SCARA3: variants seen among roughly 807,000 people sequenced by gnomAD.
The protein encoded by SCARA3 is scavenger receptor class A member 3, also known as cellular stress response gene protein.
A neutral mutation model predicts 47.0 loss-of-function variants in SCARA3; 39 were observed. The observed-to-expected ratio is 0.83, with a 90% CI of 0.64 to 1.08. The LOEUF (loss-of-function observed/expected upper bound fraction) is 1.08, where lower values mean the gene tolerates loss of function less well. SCARA3 is among the 50% of genes least tolerant of loss of function. The probability of loss-of-function intolerance (pLI) is 0.00; values close to 1 mark genes in which losing one functional copy is unlikely to be tolerated. For synonymous variants in SCARA3, 356 were observed against 334.1 expected (o/e 1.07, Z -0.71); for missense variants, 724 against 792.3 (o/e 0.91, Z 1.04).
chr8:27,685,377 T>C, the SCARA3 span, among the ~76,000 whole-genome samples: 38 of 151,966 alleles, frequency 2.5e-4, no homozygotes, highest in African/African-American at 8.9e-4. Flanking sequence ...ACCAAAACAC[T>C]CAAAGAAGTC....
At chr8:27,680,752 C>T (rs1199273405), downstream of SCARA3, among the ~76,000 whole-genome samples, 7 of 152,084 alleles carry the variant, frequency 4.6e-5, no homozygotes, top group African/African-American at 1.7e-4. Flanking sequence ...ATTGAATTAG[C>T]AGCCAGCAAA....
rs1249516258 is a variant in SCARA3, at chr8:27,671,727, C to T, written c.*376C>T. Reference sequence around the variant, plus strand: ...ACATGCATGCACACATACACATGCACACACACATGCACACATATATGCACA... The same window carrying T: ...ACATGCATGCACACATACACATGCATACACACATGCACACATATATGCACA... On this transcript the variant is annotated 3_prime_UTR_variant, in exon 6 of 6. Transcript: ENST00000301904. 1 of 1,038,896 alleles carries T rather than the reference C, an allele frequency of 9.6e-7. No homozygotes were observed. The highest frequency in any genetic ancestry group is 1.2e-6 in the Non-Finnish European group (1 of 864,964). 64.4% of individuals were successfully genotyped at this position (1,038,896 alleles called of 1,614,324 possible).
chr8:27,662,462 G>A (rs931896299), intron 5 of SCARA3, among the ~76,000 whole-genome samples: 2 of 152,254 alleles, frequency 1.3e-5, no homozygotes, highest in Non-Finnish European at 2.9e-5. Flanking sequence ...CTGCTGTGAA[G>A]TGAGTTCCTC....
chr8:27,658,210 C>G (rs1422588900), intron 4 of SCARA3, among the ~76,000 whole-genome samples: 1 of 152,078 alleles, frequency 6.6e-6, no homozygotes, highest in Non-Finnish European at 1.5e-5. Context: ...AAGTTCCTGG[C>G]CACCTAAGAA....
the SCARA3 span, among the ~76,000 whole-genome samples, chr8:27,695,406 G>A: frequency 1.3e-5 from 2 of 152,190 alleles, no homozygotes; most frequent in Non-Finnish European, 1.5e-5. Context: ...AAAAATTAAT[G>A]TTCTTCACGG....
the SCARA3 span, among the ~76,000 whole-genome samples, chr8:27,694,027 T>C: frequency 6.6e-6 from 1 of 152,240 alleles, no homozygotes; most frequent in African/African-American, 2.4e-5. Flanking sequence ...CCTGAGGCTA[T>C]GTCACAGGTG....
chr8:27,685,646 C>G, the SCARA3 span, among the ~76,000 whole-genome samples: 1 of 152,132 alleles, frequency 6.6e-6, no homozygotes, highest in African/African-American at 2.4e-5. Context: ...AAAGCTGAAG[C>G]AGTGGAAGTA....
chr8:27,640,608 G>A (rs1801361265), intron 1 of SCARA3, among the ~76,000 whole-genome samples: 2 of 151,766 alleles, frequency 1.3e-5, no homozygotes, highest in African/African-American at 2.4e-5. Flanking sequence ...TCAAGCTCCC[G>A]ACCTCAAGCA....
At chr8:27,707,489 A>AG in the SCARA3 span, among the ~76,000 whole-genome samples, 1 of 151,544 alleles carries the variant, frequency 6.6e-6, no homozygotes, top group Non-Finnish European at 1.5e-5. Context: ...TCAAAAAAAA[A>AG]CATTCAACAG....
chr8:27,702,319 G>A, the SCARA3 span: 2 of 152,348 alleles, frequency 1.3e-5, no homozygotes, highest in African/African-American at 4.8e-5. Context: ...TTCTTCTTCT[G>A]GTGAAGTCAT....
chr8:27,720,774 AC>A, the SCARA3 span, among the ~76,000 whole-genome samples: 1 of 149,602 alleles, frequency 6.7e-6, no homozygotes. Context: ...TTATCCACCC[AC>A]CCCTCTATTC....
At chr8:27,687,397 T>C in the SCARA3 span, among the ~76,000 whole-genome samples, 3 of 152,036 alleles carry the variant, frequency 2.0e-5, no homozygotes, top group African/African-American at 7.3e-5. Flanking sequence ...TTCCTCAATC[T>C]TGCAGGATAT....
the SCARA3 span, among the ~76,000 whole-genome samples, chr8:27,719,392 G>A: frequency 1.3e-5 from 2 of 152,162 alleles, no homozygotes; most frequent in Non-Finnish European, 2.9e-5. Flanking sequence ...GGTGAAGAGT[G>A]GGAGGAGGGA....
downstream of SCARA3, chr8:27,676,471 AG>A: frequency 1.4e-6 from 2 of 1,405,952 alleles, no homozygotes; most frequent in Non-Finnish European, 2.0e-6. Flanking sequence ...CTTTTCCCTA[AG>A]CCCAAAGTCT....
At chr8:27,695,969 T>C in the SCARA3 span, among the ~76,000 whole-genome samples, 1 of 152,044 alleles carries the variant, frequency 6.6e-6, no homozygotes, top group East Asian at 1.9e-4. Flanking sequence ...ATTGCACTTA[T>C]GCACCTACTA....
At chr8:27,641,518 T>C (rs554151106) in intron 1 of SCARA3, among the ~76,000 whole-genome samples, 1 of 152,276 alleles carries the variant, frequency 6.6e-6, no homozygotes, top group East Asian at 1.9e-4. Context: ...CTCCTGCAGC[T>C]CCAGGCTTCT....
At chr8:27,666,414 G>T (rs375502746) in intron 5 of SCARA3, among the ~76,000 whole-genome samples, 1 of 152,204 alleles carries the variant, frequency 6.6e-6, no homozygotes, top group Non-Finnish European at 1.5e-5. Context: ...TTTGTTCTCC[G>T]TGGGAGGTTG....
At chr8:27,716,576 CA>C in the SCARA3 span, among the ~76,000 whole-genome samples, 12 of 152,046 alleles carry the variant, frequency 7.9e-5, no homozygotes, top group Non-Finnish European at 1.2e-4. Flanking sequence ...AGTAAAGAAA[CA>C]AGCAAATACA....
chr8:27,651,882 A>G (rs748884106), intron 3 of SCARA3, among the ~76,000 whole-genome samples: 5 of 152,190 alleles, frequency 3.3e-5, no homozygotes, highest in Non-Finnish European at 5.9e-5. Context: ...TGATACGACC[A>G]GGTCAGTGCT....
Sources: gnomAD v4.1 joint callset for allele counts (sites outside exome capture counted in the v4.1 genomes callset) on GRCh38, gnomAD v4.1.1 for gene constraint, MANE v1.5 for transcripts, NCBI Gene and HGNC (gene_info 2026-07-23, HGNC 2026-07-21) for gene names.